The following ABLIM1 variants were observed in gnomAD, a reference collection of about 807,000 sequenced individuals.
ABLIM1 encodes actin binding LIM protein 1.
A neutral mutation model predicts 107.0 loss-of-function variants in ABLIM1; 40 were observed. The observed-to-expected ratio is 0.37, with a 90% CI of 0.29 to 0.49. ABLIM1 has a LOEUF of 0.49. ABLIM1 is among the 20% of genes least tolerant of loss of function. The pLI, the probability that ABLIM1 is intolerant of heterozygous loss-of-function variation, is 0.97. For synonymous variants in ABLIM1, 357 were observed against 357.3 expected (o/e 1.00, Z 0.01); for missense variants, 857 against 1,008.5 (o/e 0.85, Z 2.04).
rs2070060098 is a variant in ABLIM1, at chr10:114,563,263, T to C, written c.673+8034A>G. On this transcript the variant is annotated intron_variant, in intron 4 of 22. Coordinates refer to ENST00000533213, the MANE Select transcript of ABLIM1 (RefSeq NM_002313.7). The stretch of plus-strand genomic sequence containing the variant: ...TTGTATGTTTCTGTAATATGTGTGT[T>C]GTTTTTCAATGAATACTTAAAATGA... Among the ~76,000 whole-genome samples, 3 of 152,332 alleles carry C rather than the reference T, an allele frequency of 2.0e-5. No homozygotes were observed. In the South Asian group the frequency reaches 6.2e-4, roughly 32 times the overall value.
At chr10:114,570,765 T>C (rs1176300729) in intron 4 of ABLIM1, among the ~76,000 whole-genome samples, 2 of 151,942 alleles carry the variant, frequency 1.3e-5, no homozygotes, top group Admixed American at 6.6e-5. Flanking sequence ...TGCACTATCA[T>C]ACACAGCTAC....
chr10:114,669,810 G>A (rs1039696267), intron 1 of ABLIM1, among the ~76,000 whole-genome samples: 2 of 152,102 alleles, frequency 1.3e-5, no homozygotes, highest in South Asian at 4.1e-4. Context: ...GTGTTGTGGC[G>A]GGAGGGAAGG....
At chr10:114,475,270 C>T (rs998297678) in intron 8 of ABLIM1, among the ~76,000 whole-genome samples, 3 of 152,186 alleles carry the variant, frequency 2.0e-5, no homozygotes, top group Non-Finnish European at 2.9e-5. Flanking sequence ...CCCAATTTTA[C>T]TTGGATGATT....
intron 4 of ABLIM1, 82 bp from the exon 5 acceptor site, chr10:114,547,858 G>C (rs1251237760): frequency 6.5e-7 from 1 of 1,535,874 alleles, no homozygotes; most frequent in Non-Finnish European, 8.8e-7. Flanking sequence ...ACCCCACTGT[G>C]TGCCCATCAC....
At chr10:114,753,916 A>G (rs1418733343) in intron 1 of ABLIM1, among the ~76,000 whole-genome samples, 1 of 152,190 alleles carries the variant, frequency 6.6e-6, no homozygotes, top group Non-Finnish European at 1.5e-5. Flanking sequence ...CAATGGCACA[A>G]TCTTGGCTCA....
chr10:114,760,024 C>G (rs1197308658), intron 1 of ABLIM1, among the ~76,000 whole-genome samples: 1 of 152,076 alleles, frequency 6.6e-6, no homozygotes, highest in Non-Finnish European at 1.5e-5. Flanking sequence ...TTTTTCCACC[C>G]AAAAACCATG....
chr10:114,625,913 T>C (rs906502044), intron 1 of ABLIM1, among the ~76,000 whole-genome samples: 2 of 152,178 alleles, frequency 1.3e-5, no homozygotes, highest in Non-Finnish European at 2.9e-5. Flanking sequence ...TTAAAGACAT[T>C]GTATATGAAG....
At chr10:114,559,225 T>C (rs1591196475) in intron 4 of ABLIM1, among the ~76,000 whole-genome samples, 1 of 150,528 alleles carries the variant, frequency 6.6e-6, no homozygotes, top group African/African-American at 2.4e-5. Flanking sequence ...AAGAGGAAAA[T>C]GGGAAGTTAT....
At chr10:114,746,928 G>A (rs1002302257) in intron 1 of ABLIM1, among the ~76,000 whole-genome samples, 2 of 151,972 alleles carry the variant, frequency 1.3e-5, no homozygotes, top group African/African-American at 2.4e-5. Context: ...AGTTATTTGA[G>A]GTCCTTATAT....
Position 114,753,492 on chromosome 10 carries a change from C to A in ABLIM1, c.-213+14569G>T, listed in dbSNP as rs547561727. On this transcript the variant is annotated intron_variant, in intron 1 of 15. Coordinates refer to the ABLIM1 transcript ENST00000651092. ...AGGGACTATTAAATCAGGTATGCTA[C>A]AGCCATATGATTGAACGTTATGCAG... Among the ~76,000 whole-genome samples the A allele has an allele frequency of 1.1e-4, 17 of 152,286 alleles. No homozygotes were observed. The East Asian group carries it at 2.7e-3, about 24-fold the overall frequency.
At chr10:114,773,520 A>G in the ABLIM1 span, among the ~76,000 whole-genome samples, 17 of 152,320 alleles carry the variant, frequency 1.1e-4, no homozygotes, top group East Asian at 2.9e-3. Context: ...TCAGGAGTTC[A>G]AAACCAGCCC....
At chr10:114,728,592 CAAAAA>C (rs11405856) in intron 1 of ABLIM1, among the ~76,000 whole-genome samples, 1 of 125,434 alleles carries the variant, frequency 8.0e-6, no homozygotes, top group Non-Finnish European at 1.6e-5. Flanking sequence ...AATGGAGAGC[CAAAAA>C]AAAAAAAAAT....
intron 1 of ABLIM1, among the ~76,000 whole-genome samples, chr10:114,702,669 G>GGCGCCCGCCACC (rs1434227743): frequency 1.1e-4 from 16 of 151,892 alleles, no homozygotes; most frequent in African/African-American, 3.9e-4. Flanking sequence ...TGGGACTACA[G>GGCGCCCGCCACC]GCGCCCGCCA....
chr10:114,737,965 T>TA (rs2082214481), intron 1 of ABLIM1, among the ~76,000 whole-genome samples: 1 of 152,158 alleles, frequency 6.6e-6, no homozygotes, highest in Non-Finnish European at 1.5e-5. Context: ...AAACTTTTAC[T>TA]AAAAAAATTT....
chr10:114,598,688 T>C (rs1195171536), intron 2 of ABLIM1, among the ~76,000 whole-genome samples: 1 of 152,206 alleles, frequency 6.6e-6, no homozygotes, highest in Admixed American at 6.6e-5. Context: ...GAATGTCAAG[T>C]ATCTCAATAC....
chr10:114,575,266 A>G, intron 3 of ABLIM1, 150 bp downstream of exon 3: 1 of 832,204 alleles, frequency 1.2e-6, no homozygotes, highest in Non-Finnish European at 1.8e-6. Flanking sequence ...TACTTTTTTT[A>G]CTAGGACTGA....
At chr10:114,747,391 G>A (rs1255927481) in intron 1 of ABLIM1, among the ~76,000 whole-genome samples, 2 of 152,178 alleles carry the variant, frequency 1.3e-5, no homozygotes, top group African/African-American at 4.8e-5. Context: ...CGTATCTGCT[G>A]TGTGTGCCTG....
intron 1 of ABLIM1, chr10:114,631,927 G>A: frequency 7.7e-7 from 1 of 1,304,488 alleles, no homozygotes; most frequent in Non-Finnish European, 1.0e-6. Flanking sequence ...TGGCAACCGG[G>A]TCCTCCGACG....
intron 6 of ABLIM1, among the ~76,000 whole-genome samples, chr10:114,505,980 G>A (rs11816542): frequency 0.018 from 2,800 of 152,312 alleles, 97 homozygotes; most frequent in African/African-American, 0.065. Flanking sequence ...AGTAAGCATA[G>A]TAACTGATGG....
Sources: gnomAD v4.1 joint callset for allele counts (sites outside exome capture counted in the v4.1 genomes callset) on GRCh38, gnomAD v4.1.1 for gene constraint, MANE v1.5 for transcripts, NCBI Gene and HGNC (gene_info 2026-07-23, HGNC 2026-07-21) for gene names.